The following REN variants were observed in gnomAD, a reference collection of about 807,000 sequenced individuals.
REN encodes the protein angiotensin-forming enzyme.
REN carries 42 observed loss-of-function variants against 48.6 expected under a neutral mutation model. The ratio of observed to expected loss-of-function variants is 0.86; its 90% CI spans 0.68 to 1.12. The LOEUF (loss-of-function observed/expected upper bound fraction) is 1.12, where lower values mean the gene tolerates loss of function less well. Among genes scored for constraint, REN ranks in the 50% most tolerant of loss-of-function variants. The pLI is 0.00. For synonymous variants in REN, 196 were observed against 204.6 expected (o/e 0.96, Z 0.36); for missense variants, 443 against 527.3 (o/e 0.84, Z 1.57).
chr1:204,155,233 C>T, intron 9 of REN, 56 bp from the exon 10 acceptor site: 1 of 1,588,170 alleles, frequency 6.3e-7, no homozygotes, highest in South Asian at 1.1e-5. Context: ...TCTCCTTTCA[C>T]CTTGCCTGAC....
At chr1:204,166,096 C>G in intron 1 of REN, 100 bp downstream of exon 1, 1 of 958,298 alleles carries the variant, frequency 1.0e-6, no homozygotes, top group South Asian at 1.3e-5. Context: ...TCCAGCTGAT[C>G]GTAAGGACTG....
Position 204,162,288 on chromosome 1 carries a change from A to T in REN, c.99-125T>A, listed in dbSNP as rs1322917009. ...TTAACGTTAGCCCAGCCACCTGGAA[A>T]TCACCTCTGTCGCTGAGGGCCTCTG... On this transcript the variant is annotated intron_variant, in intron 1 of 9. Coordinates refer to ENST00000272190, the MANE Select transcript of REN (RefSeq NM_000537.4). 1.1e-5 allele frequency: 11 copies of T among 1,027,814 alleles called. No individual in the cohort carries two copies. In the Admixed American group the frequency reaches 2.2e-4, roughly 21 times the overall value. The allele number at this position is 1,027,814 out of a possible 1,614,324, so 63.7% of individuals were successfully genotyped here. A position where few individuals can be genotyped will look rare whatever the true frequency, so the allele number is the denominator to read the frequency against.
At position 204,166,311 on chromosome 1, in the gene REN, GCT is replaced by G. The variant is rs1422008894; in HGVS notation, c.-20_-19del. Reference sequence around the variant, plus strand: ...CCATCCATGCTTCCCTCAGTCTGGGGCTCTCTCTGAGATCCACTGAGGTTCTG... The same window carrying G: ...CCATCCATGCTTCCCTCAGTCTGGGGCTCTCTGAGATCCACTGAGGTTCTG... On this transcript the variant is annotated 5_prime_UTR_variant, in exon 1 of 10. Transcript: ENST00000272190. The G allele has an allele frequency of 6.2e-7, 1 of 1,609,706 alleles. No individual in the cohort carries two copies. Among genetic ancestry groups the G allele is most frequent in the Non-Finnish European group, 8.5e-7 (1 of 1,175,986 alleles).
chr1:204,160,818 G>C (rs1658234063), intron 3 of REN, 140 bp from the exon 4 acceptor site: 4 of 768,242 alleles, frequency 5.2e-6, no homozygotes, highest in South Asian at 2.7e-5. Context: ...TGGAATATGT[G>C]CTTCATCAAT....
rs985476332 is a variant in REN at position 204,159,564 on chromosome 1, C to A, written c.524G>T (p.Gly175Val). The change falls in exon 5 of 10, where the codon GGA (glycine) becomes GTA (valine). Residue 175 changes from glycine to valine, a missense_variant. Transcript: ENST00000272190. ...TAAGGCGGGCATCTCCGTGACCTCT[C>A]CAAACATCTGTGTCACCGTGATTCC... The part of the protein sequence containing the change: ...VGGITVTQMF[G>V]EVTEMPALPF... 4.3e-6 allele frequency: 7 copies of A among 1,614,070 alleles called. No homozygotes were observed. In the Admixed American group the frequency reaches 1.0e-4, roughly 23 times the overall value.
intron 5 of REN, among the ~76,000 whole-genome samples, chr1:204,159,066 G>C (rs1412612423): frequency 1.3e-5 from 2 of 152,148 alleles, no homozygotes; most frequent in African/African-American, 4.8e-5. Flanking sequence ...GCTCCAGAGT[G>C]GCGCTGTCTA....
intron 2 of REN, 124 bp from the exon 3 acceptor site, chr1:204,161,539 G>A (rs1658247307): frequency 4.2e-6 from 4 of 952,088 alleles, no homozygotes; most frequent in Non-Finnish European, 2.9e-6. Flanking sequence ...AGCCTCTCGG[G>A]GTTTCCATTT....
chr1:204,163,445 C>A (rs1003160274), intron 1 of REN, among the ~76,000 whole-genome samples: 1 of 152,174 alleles, frequency 6.6e-6, no homozygotes, highest in African/African-American at 2.4e-5. Flanking sequence ...TTTATTACTC[C>A]CACTTCACAG....
At position 204,156,921 on chromosome 1, in the gene REN, A is replaced by G. The variant is rs1658161279; in HGVS notation, c.699-125T>C. 8.1e-7 allele frequency: 1 copy of G among 1,230,538 alleles called. No individual in the cohort carries two copies. The highest frequency in any genetic ancestry group is 1.5e-5 in the African/African-American group (1 of 67,518). 76.2% of individuals were successfully genotyped at this position (1,230,538 alleles called of 1,614,324 possible). ...GGGCTCTAGAGCAGAGGAATGTGGG[A>G]CAGACAGCCAGGCTCGGAGCTGTCG... On this transcript the variant is annotated intron_variant, in intron 6 of 9. Transcript: ENST00000272190. The surrounding 1 kb of genome is among the most constrained non-coding windows in gnomAD (Gnocchi z 4.2).
chr1:204,154,992 G>A lies in REN; in HGVS notation c.*24C>T, dbSNP rs761947068. 5 of 1,612,656 alleles carry A rather than the reference G, an allele frequency of 3.1e-6. No individual in the cohort carries two copies. The highest frequency in any genetic ancestry group is 3.4e-6 in the Non-Finnish European group (4 of 1,179,870). The stretch of plus-strand genomic sequence containing the variant: ...AGCTCTGGGCCAGGGCTGAAGGCAG[G>A]GCCTGCCTGGGTGGCAGAGGGCCTC... On this transcript the variant is annotated 3_prime_UTR_variant, in exon 10 of 10. Transcript: ENST00000272190.
At position 204,159,584 on chromosome 1, in the gene REN, G is replaced by A; in HGVS notation, c.504C>T (p.Ile168=). The A allele has an allele frequency of 1.9e-6, 3 of 1,614,170 alleles. No individual in the cohort carries two copies. Among genetic ancestry groups the A allele is most frequent in the Non-Finnish European group, 2.5e-6 (3 of 1,180,040 alleles). The part of the protein sequence containing the change: ...LSQDIITVGG[I]TVTQMFGEVT... ...CCTCTCCAAACATCTGTGTCACCGT[G>A]ATTCCACCCACCTGTGGGAGGAAGG... Residue 168 remains isoleucine, a synonymous_variant, in exon 5 of 10, where the codon ATC becomes ATT. Transcript: ENST00000272190.
At chr1:204,158,099 A>C (rs1440047370) in intron 5 of REN, among the ~76,000 whole-genome samples, 15 of 143,062 alleles carry the variant, frequency 1.0e-4, no homozygotes, top group African/African-American at 2.4e-4. Context: ...TCTGGATCTC[A>C]CCCCCCACGC....
intron 1 of REN, among the ~76,000 whole-genome samples, chr1:204,164,096 C>A (rs1319825011): frequency 6.6e-6 from 1 of 152,220 alleles, no homozygotes; most frequent in East Asian, 1.9e-4. Flanking sequence ...TCCCCCTCCA[C>A]CCCTTGCCCA....
At chr1:204,161,537 G>C in intron 2 of REN, 122 bp from the exon 3 acceptor site, 2 of 964,158 alleles carry the variant, frequency 2.1e-6, no homozygotes, top group Admixed American at 3.6e-5. Flanking sequence ...ATAGCCTCTC[G>C]GGGTTTCCAT....
Position 204,156,859 on chromosome 1 carries a change from T to A in REN, c.699-63A>T. ...CTCCAGGACCCAGCAACTCAGGCAA[T>A]TGGGGAAGGTTGCACAAGGGTGCAG... is the stretch of plus-strand genomic sequence containing the variant. On this transcript the variant is annotated intron_variant, in intron 6 of 9. Coordinates refer to ENST00000272190, the MANE Select transcript of REN (RefSeq NM_000537.4). The surrounding 1 kb of genome is among the most constrained non-coding windows in gnomAD (Gnocchi z 4.2). 1 of 1,603,958 alleles carries A rather than the reference T, an allele frequency of 6.2e-7. No homozygotes were observed. The highest frequency in any genetic ancestry group is 2.2e-5 in the East Asian group (1 of 44,846).
At chr1:204,155,990 T>G in intron 8 of REN, 72 bp from the exon 9 acceptor site, 3 of 1,456,062 alleles carry the variant, frequency 2.1e-6, no homozygotes, top group Non-Finnish European at 2.9e-6. Flanking sequence ...CCTGCGCTGG[T>G]GGCCTGGTCT....
chr1:204,161,935 G>C (rs886085400), intron 2 of REN, 78 bp downstream of exon 2: 174 of 1,542,200 alleles, frequency 1.1e-4, no homozygotes, highest in Non-Finnish European at 1.5e-4. Context: ...GAAAGGGTGA[G>C]TCTTGCAGCA....
chr1:204,162,521 A>G (rs771675907), intron 1 of REN, among the ~76,000 whole-genome samples: 2 of 152,248 alleles, frequency 1.3e-5, no homozygotes, highest in Non-Finnish European at 2.9e-5. Context: ...GGAGCTAGAA[A>G]GATAATGATC....
chr1:204,161,173 G>T (rs2102313909), intron 3 of REN, 119 bp downstream of exon 3: 1 of 1,140,156 alleles, frequency 8.8e-7, no homozygotes, highest in Non-Finnish European at 1.2e-6. Context: ...GGGCACAGAG[G>T]CAGAGAGGAA....
Sources: gnomAD v4.1 joint callset for allele counts (sites outside exome capture counted in the v4.1 genomes callset) on GRCh38, gnomAD v4.1.1 for gene constraint, Gnocchi (gnomAD v3.1) non-coding constraint, MANE v1.5 for transcripts, NCBI Gene and HGNC (gene_info 2026-07-23, HGNC 2026-07-21) for gene names.